The following BAZ2B variants were observed in gnomAD, a reference collection of about 807,000 sequenced individuals.
BAZ2B encodes bromodomain adjacent to zinc finger domain 2B, also known as bromodomain adjacent to zinc finger domain protein 2B.
A neutral mutation model predicts 246.0 loss-of-function variants in BAZ2B; 91 were observed. The ratio of observed to expected loss-of-function variants is 0.37; its 90% confidence interval spans 0.31 to 0.44. BAZ2B has a LOEUF of 0.44. Among genes scored for constraint, BAZ2B ranks in the 20% least tolerant of loss-of-function variants. The pLI is 1.00. For missense variants in BAZ2B, 2,332 were observed against 2,533.7 expected (o/e 0.92, Z 1.71); for synonymous variants, 855 against 860.0 (o/e 0.99, Z 0.10).
intron 31 of BAZ2B, among the ~76,000 whole-genome samples, chr2:159,340,225 GA>G (rs1187361144): frequency 2.0e-5 from 3 of 151,486 alleles, no homozygotes; most frequent in African/African-American, 4.9e-5. Context: ...GGGGTGGGGG[GA>G]AAGAAAGAAA....
the BAZ2B span, among the ~76,000 whole-genome samples, chr2:159,700,563 A>G: frequency 6.6e-6 from 1 of 152,166 alleles, no homozygotes; most frequent in Non-Finnish European, 1.5e-5. Context: ...CTTCTGCCTC[A>G]GCCTCTCGAG....
the BAZ2B span, among the ~76,000 whole-genome samples, chr2:159,667,931 T>C: frequency 6.6e-6 from 1 of 152,132 alleles, no homozygotes; most frequent in Non-Finnish European, 1.5e-5. Context: ...AATGGTCTAC[T>C]GAAATTTTAA....
chr2:159,414,875 CA>C (rs1195061924), intron 13 of BAZ2B, among the ~76,000 whole-genome samples: 1 of 150,454 alleles, frequency 6.6e-6, no homozygotes, highest in Admixed American at 6.6e-5. Context: ...GTACTCACAA[CA>C]ATGAAAAAAA....
intron 34 of BAZ2B, 147 bp from the exon 35 acceptor site, chr2:159,326,065 T>C (rs1335175558): frequency 4.3e-6 from 3 of 696,220 alleles, no homozygotes; most frequent in Non-Finnish European, 6.5e-6. Context: ...TTAAGAAAGA[T>C]CTGTGTATTT....
At position 159,385,258 on chromosome 2, in the gene BAZ2B, C is replaced by T. The variant is rs543399944; in HGVS notation, c.3583G>A (p.Glu1195Lys). 14 of 1,613,414 alleles carry T rather than the reference C, an allele frequency of 8.7e-6. No individual in the cohort carries two copies. Among genetic ancestry groups the T allele is most frequent in the Non-Finnish European group, 1.2e-5 (14 of 1,179,684 alleles). ...TGAAAAGCTTTGGTCTTCAGACTTT[C>T]AGTAAGCTCAGTTTGTCCACAGTGG... ...EAHCGQTELTESLKTKAFQAH... is the reference protein window; with the variant it reads ...EAHCGQTELTKSLKTKAFQAH... The change falls in exon 23 of 37, where the codon GAA becomes AAA. Residue 1195 changes from glutamate (E) to lysine (K), a missense_variant. This residue lies in a region of BAZ2B where 328 missense variants were observed against 410.4 expected (regional missense o/e 0.80). Coordinates refer to ENST00000392783, the MANE Select transcript of BAZ2B (RefSeq NM_013450.4).
intron 2 of BAZ2B, among the ~76,000 whole-genome samples, chr2:159,555,048 T>C (rs867841719): frequency 6.6e-6 from 1 of 150,894 alleles, no homozygotes; most frequent in Non-Finnish European, 1.5e-5. Flanking sequence ...TATATATATG[T>C]GGTATGTGGT....
At chr2:159,462,398 C>T (rs1171417350) in intron 3 of BAZ2B, 7 of 1,271,744 alleles carry the variant, frequency 5.5e-6, no homozygotes, top group Non-Finnish European at 5.7e-6. Flanking sequence ...AGCCTTTAGG[C>T]ATTCTGCATT....
At chr2:159,627,123 A>G in the BAZ2B span, among the ~76,000 whole-genome samples, 1 of 152,174 alleles carries the variant, frequency 6.6e-6, no homozygotes, top group Non-Finnish European at 1.5e-5. Flanking sequence ...ACAAAGAAGA[A>G]GTTGAATCCC....
chr2:159,519,809 A>ACTACAGGCACCCGCCACCACGC (rs376400698), intron 2 of BAZ2B, among the ~76,000 whole-genome samples: 12 of 39,924 alleles, frequency 3.0e-4, no homozygotes, highest in South Asian at 6.3e-4. Context: ...AGTAGCTGAG[A>ACTACAGGCACCCGCCACCACGC]CTGGCCAAGG....
intron 1 of BAZ2B, among the ~76,000 whole-genome samples, chr2:159,574,128 C>CACACACACAT (rs1684685303): frequency 9.5e-6 from 1 of 104,720 alleles, no homozygotes; most frequent in Non-Finnish European, 1.9e-5. Flanking sequence ...CAGACACACA[C>CACACACACAT]ACACACACAC....
intron 1 of BAZ2B, 97 bp from the exon 2 acceptor site, chr2:159,555,962 C>T (rs1016786130): frequency 1.3e-5 from 2 of 152,132 alleles, no homozygotes; most frequent in Non-Finnish European, 2.9e-5. Flanking sequence ...TTTCTTCATG[C>T]TGTAAGTCAT....
chr2:159,358,584 A>G (rs1265164247), intron 27 of BAZ2B, among the ~76,000 whole-genome samples: 1 of 152,196 alleles, frequency 6.6e-6, no homozygotes, highest in African/African-American at 2.4e-5. Context: ...AACATTCAGG[A>G]TTTGAATCAG....
the BAZ2B span, among the ~76,000 whole-genome samples, chr2:159,669,885 T>C: frequency 6.6e-6 from 1 of 152,312 alleles, no homozygotes; most frequent in East Asian, 1.9e-4. Flanking sequence ...AATGTGATTA[T>C]TGTTATCACT....
intron 21 of BAZ2B, 81 bp from the exon 22 acceptor site, chr2:159,386,688 A>T: frequency 2.1e-6 from 3 of 1,404,284 alleles, no homozygotes; most frequent in Non-Finnish European, 2.8e-6. Flanking sequence ...CTAAAGTAAA[A>T]TAAGCTGCTA....
chr2:159,358,793 T>C (rs1271238014), intron 27 of BAZ2B, among the ~76,000 whole-genome samples: 1 of 152,154 alleles, frequency 6.6e-6, no homozygotes, highest in Non-Finnish European at 1.5e-5. Context: ...AAATTAGAAC[T>C]CAGGGTTAAG....
chr2:159,334,667 TATATG>T (rs1375885574), intron 33 of BAZ2B, among the ~76,000 whole-genome samples: 3 of 152,172 alleles, frequency 2.0e-5, no homozygotes, highest in Non-Finnish European at 4.4e-5. Context: ...GAGATGGAGT[TATATG>T]ATTAATAAGA....
At chr2:159,391,121 A>C (rs1457009167) in intron 20 of BAZ2B, among the ~76,000 whole-genome samples, 1 of 152,180 alleles carries the variant, frequency 6.6e-6, no homozygotes, top group African/African-American at 2.4e-5. Context: ...AAAGGAGGGA[A>C]GATTTAAGTT....
Position 159,325,874 on chromosome 2 carries a change from T to G in BAZ2B, c.5988A>C (p.Gly1996=). 1 of 1,593,284 alleles carries G rather than the reference T, an allele frequency of 6.3e-7. No homozygotes were observed. Among genetic ancestry groups the G allele is most frequent in the Non-Finnish European group, 8.5e-7 (1 of 1,175,154 alleles). ...CTTTCTTTGACTCATTAGTCTTTTT[T>G]CCTTTGACATGAAGTTTTTTGATTT... ...TLKIKKLHVK[G]KKTNESKKGK... is the part of the protein sequence containing the mutation. Residue 1996 remains glycine, a synonymous_variant, in exon 35 of 37, where the codon GGA becomes GGC. Coordinates refer to ENST00000392783, the MANE Select transcript of BAZ2B (RefSeq NM_013450.4).
chr2:159,695,128 A>C, the BAZ2B span: 1 of 152,132 alleles, frequency 6.6e-6, no homozygotes, highest in East Asian at 1.9e-4. Flanking sequence ...CTATTTTTAT[A>C]TCTTCTTTAG....
Sources: gnomAD v4.1 joint callset for allele counts (sites outside exome capture counted in the v4.1 genomes callset) on GRCh38, gnomAD v4.1.1 for gene constraint, gnomAD v4.1.1 regional missense constraint, MANE v1.5 for transcripts, NCBI Gene and HGNC (gene_info 2026-07-23, HGNC 2026-07-21) for gene names.